Variants in DST observed in about 807,000 individuals in gnomAD.
DST encodes the protein bullous pemphigoid antigen.
Under a neutral mutation model 875.2 loss-of-function variants are expected in DST, and 253 were observed. The ratio of observed to expected loss-of-function variants is 0.29; its 90% CI spans 0.26 to 0.32. The LOEUF (loss-of-function observed/expected upper bound fraction) is 0.32. Ranked by LOEUF, DST falls within the 10% of genes least tolerant of loss-of-function variation. DST has a pLI of 1.00. For synonymous variants in DST, 3,124 were observed against 3,197.1 expected (o/e 0.98, Z 0.77); for missense variants, 8,287 against 9,111.6 (o/e 0.91, Z 3.68).
intron 2 of DST, among the ~76,000 whole-genome samples, chr6:56,921,494 C>T (rs1255046291): frequency 6.6e-6 from 1 of 152,154 alleles, no homozygotes. Context: ...CAATGCATTT[C>T]TTCCATTTGA....
rs149391420 is a variant in DST at position 56,483,005 on chromosome 6, T to C, written c.21208-128A>G. ...TCTAAGACCTACAGTTTAATAACCA[T>C]ATTTCTGGCAGCATCTTCAGAAGAT... is the stretch of plus-strand genomic sequence containing the variant. On this transcript the variant is annotated intron_variant, in intron 88 of 103. Coordinates refer to ENST00000680361, the MANE Select transcript of DST (RefSeq NM_001374736.1). The C allele has an allele frequency of 1.1e-3, 664 of 599,936 alleles. 5 individuals are homozygous for C. The African/African-American group carries it at 0.012, about 10-fold the overall frequency. The allele number at this position is 599,936 out of a possible 1,614,324, so 37.2% of individuals were successfully genotyped here.
At chr6:56,682,750 G>T (rs1014395079) in intron 9 of DST, among the ~76,000 whole-genome samples, 5 of 152,130 alleles carry the variant, frequency 3.3e-5, no homozygotes. Flanking sequence ...GTAAAACAAC[G>T]TAAGTTTTGT....
chr6:56,844,656 C>G (rs144276244), intron 4 of DST, among the ~76,000 whole-genome samples: 1,653 of 152,060 alleles, frequency 0.011, 17 homozygotes, highest in Non-Finnish European at 0.018. Context: ...GGGTGGATCA[C>G]GAGGTCAGGA....
At chr6:56,775,936 C>T (rs2099678183) in intron 4 of DST, among the ~76,000 whole-genome samples, 1 of 152,184 alleles carries the variant, frequency 6.6e-6, no homozygotes, top group African/African-American at 2.4e-5. Flanking sequence ...AGCTTAATTC[C>T]CCATCCCCCG....
chr6:56,831,084 T>C (rs528215095), intron 4 of DST, among the ~76,000 whole-genome samples: 3 of 152,294 alleles, frequency 2.0e-5, no homozygotes, highest in Admixed American at 6.5e-5. Flanking sequence ...AATTGTATCA[T>C]ATATGTAAAA....
chr6:56,493,260 G>A (rs1258116920), intron 83 of DST, among the ~76,000 whole-genome samples, 171 bp from the exon 84 acceptor site: 2 of 151,814 alleles, frequency 1.3e-5, no homozygotes, highest in African/African-American at 4.8e-5. Context: ...CTAAAATACT[G>A]GCAAACCAAA....
At chr6:56,583,260 G>T (rs539793737) in intron 49 of DST, among the ~76,000 whole-genome samples, 1,558 of 152,292 alleles carry the variant, frequency 0.01, 28 homozygotes, top group African/African-American at 0.035. Flanking sequence ...AGCACCTGTT[G>T]TTTCCTGACT....
intron 4 of DST, among the ~76,000 whole-genome samples, chr6:56,811,268 G>A (rs940925764): frequency 1.3e-5 from 2 of 151,248 alleles, no homozygotes; most frequent in Non-Finnish European, 2.9e-5. Flanking sequence ...AGGAAGTACT[G>A]GGTCCCTGAC....
At chr6:56,591,726 A>T (rs1323009646) in intron 49 of DST, among the ~76,000 whole-genome samples, 1 of 152,148 alleles carries the variant, frequency 6.6e-6, no homozygotes, top group Non-Finnish European at 1.5e-5. Context: ...TAATCCCAGC[A>T]CTTTGGGAGG....
rs2099692029 is a variant in DST, at chr6:56,780,840, T to A, written c.626-45551A>T. Among the ~76,000 whole-genome samples the A allele has an allele frequency of 2.6e-5, 4 of 152,140 alleles. No homozygotes were observed. In the South Asian group the frequency reaches 8.3e-4, roughly 32 times the overall value. On this transcript the variant is annotated intron_variant, in intron 4 of 103. Coordinates refer to ENST00000680361, the MANE Select transcript of DST (RefSeq NM_001374736.1). ...GAATGGTAATGCCTAGGTTTTCTTC[T>A]AGGGTTTTTATGGTTTTAGATCTAA...
chr6:56,465,416 T>C (rs966261271), intron 99 of DST, among the ~76,000 whole-genome samples: 1 of 152,176 alleles, frequency 6.6e-6, no homozygotes, highest in Non-Finnish European at 1.5e-5. Context: ...GGTACCTAAT[T>C]AGAAATTGCA....
intron 3 of DST, among the ~76,000 whole-genome samples, chr6:56,899,407 C>G (rs2127686591): frequency 6.6e-6 from 1 of 152,268 alleles, no homozygotes; most frequent in Non-Finnish European, 1.5e-5. Flanking sequence ...AGGAATTTAA[C>G]TTCTTTCCAT....
intron 3 of DST, among the ~76,000 whole-genome samples, chr6:56,888,907 G>GAA (rs904940972): frequency 6.6e-6 from 1 of 152,152 alleles, no homozygotes; most frequent in African/African-American, 2.4e-5. Flanking sequence ...TCAGGGAAGG[G>GAA]AAAATCTAAT....
At position 56,695,637 on chromosome 6, in the gene DST, G is replaced by A. The variant is rs574674461; in HGVS notation, c.1047+4016C>T. On this transcript the variant is annotated intron_variant, in intron 9 of 103. Coordinates refer to ENST00000680361, the MANE Select transcript of DST (RefSeq NM_001374736.1). ...TCACCAATAATATTCATCACCCTATGTTATAGTTAATTTCATGGACACTCT... is the reference window on the plus strand; with the variant it reads ...TCACCAATAATATTCATCACCCTATATTATAGTTAATTTCATGGACACTCT... Among the ~76,000 whole-genome samples the A allele has an allele frequency of 3.3e-5, 5 of 152,136 alleles. No individual in the cohort carries two copies. The South Asian group carries it at 1.0e-3, about 32-fold the overall frequency.
chr6:56,559,783 C>T (rs1324628260), intron 58 of DST, among the ~76,000 whole-genome samples: 1 of 152,064 alleles, frequency 6.6e-6, no homozygotes. Context: ...GTATACTCCT[C>T]TGTTTACACA....
chr6:56,476,311 C>T lies in DST; in HGVS notation c.21702G>A (p.Gln7234=), dbSNP rs1211459980. Residue 7234 remains glutamine, a synonymous_variant, in exon 92 of 104, where the codon CAG becomes CAA. Coordinates refer to ENST00000680361, the MANE Select transcript of DST (RefSeq NM_001374736.1). The part of the protein sequence containing the change: ...EEVLAWAKQH[Q]QRLASALAGL... ...CAGCCAGAGCACTTGCTAATCTCTG[C>T]TGATGTTGCTTTGCCCAGGCCAGCA... is the stretch of plus-strand genomic sequence containing the variant. 2.5e-6 allele frequency: 4 copies of T among 1,600,900 alleles called. No homozygotes were observed. Among genetic ancestry groups the T allele is most frequent in the Non-Finnish European group, 3.4e-6 (4 of 1,172,774 alleles).
chr6:56,802,208 A>G (rs191979535), intron 4 of DST, among the ~76,000 whole-genome samples: 1 of 152,316 alleles, frequency 6.6e-6, no homozygotes, highest in East Asian at 1.9e-4. Flanking sequence ...GGAATTAACA[A>G]TATGAGTACC....
intron 5 of DST, among the ~76,000 whole-genome samples, chr6:56,723,510 G>A (rs2099430144): frequency 6.6e-6 from 1 of 151,920 alleles, no homozygotes; most frequent in African/African-American, 2.4e-5. Flanking sequence ...GTTATGATGA[G>A]CCAAGATCAC....
In DST at chr6:56,614,347, T is replaced by C. The variant is rs761622114; in HGVS notation, c.5058+9A>G. On this transcript the variant is annotated intron_variant, in intron 37 of 103. Transcript: ENST00000680361. ...ATTATTATTATTAAACCAGGACTTC[T>C]GTGAATACCTTTTGCTTAGAGAAGG... is the stretch of plus-strand genomic sequence containing the variant. The C allele has an allele frequency of 2.3e-5, 37 of 1,594,718 alleles. No homozygotes were observed. Among genetic ancestry groups the C allele is most frequent in the Middle Eastern group, 3.3e-4 (2 of 5,994 alleles).
Sources: gnomAD v4.1 joint callset for allele counts (sites outside exome capture counted in the v4.1 genomes callset) on GRCh38, gnomAD v4.1.1 for gene constraint, MANE v1.5 for transcripts, NCBI Gene and HGNC (gene_info 2026-07-23, HGNC 2026-07-21) for gene names.